NTM: variants seen among roughly 807,000 people sequenced by gnomAD.
NTM encodes the protein IgLON family member 2.
In NTM, 13 loss-of-function variants were observed where a neutral mutation model predicts 42.1. That is an observed-to-expected ratio of 0.31 (90% confidence interval 0.20 to 0.49). NTM has a LOEUF of 0.49. Ranked by LOEUF, NTM falls within the 20% of genes least tolerant of loss-of-function variation. The pLI, the probability that NTM is intolerant of heterozygous loss-of-function variation, is 0.99. For synonymous variants in NTM, 187 were observed against 179.2 expected (o/e 1.04, Z -0.35); for missense variants, 373 against 452.8 (o/e 0.82, Z 1.60).
At chr11:132,015,952 A>G (rs1351166532) in intron 2 of NTM, among the ~76,000 whole-genome samples, 3 of 151,916 alleles carry the variant, frequency 2.0e-5, no homozygotes, top group Non-Finnish European at 2.9e-5. Flanking sequence ...TTGCAGCACT[A>G]TGTTGAATAG....
intron 1 of NTM, among the ~76,000 whole-genome samples, chr11:131,849,847 G>A (rs1032097334): frequency 4.6e-5 from 7 of 150,960 alleles, no homozygotes; most frequent in African/African-American, 1.5e-4. Flanking sequence ...GGGAGGGATA[G>A]CATTAGGAGA....
At chr11:131,879,000 T>C (rs947894625) in intron 1 of NTM, among the ~76,000 whole-genome samples, 1 of 152,034 alleles carries the variant, frequency 6.6e-6, no homozygotes, top group East Asian at 1.9e-4. Flanking sequence ...CCACCTCCAA[T>C]CCACGGAACT....
At chr11:131,441,603 G>A (rs1949631262) in intron 1 of NTM, among the ~76,000 whole-genome samples, 1 of 152,166 alleles carries the variant, frequency 6.6e-6, no homozygotes, top group African/African-American at 2.4e-5. Flanking sequence ...TAGGATTGGA[G>A]CATGGCAGCT....
At chr11:131,843,717 C>G (rs1381485829) in intron 1 of NTM, among the ~76,000 whole-genome samples, 7 of 152,156 alleles carry the variant, frequency 4.6e-5, no homozygotes, top group Admixed American at 2.6e-4. Context: ...AGGCAATTTT[C>G]TGGGTATATA....
intron 1 of NTM, among the ~76,000 whole-genome samples, chr11:131,690,394 A>T (rs976162995): frequency 1.3e-5 from 2 of 152,192 alleles, no homozygotes; most frequent in Admixed American, 1.3e-4. Flanking sequence ...CCGAGATCAG[A>T]TGGCAGAAAC....
At chr11:131,493,033 C>T (rs1232885649) in intron 1 of NTM, among the ~76,000 whole-genome samples, 3 of 151,842 alleles carry the variant, frequency 2.0e-5, no homozygotes, top group African/African-American at 7.3e-5. Flanking sequence ...GCCTGGGCAA[C>T]ACGGTGAACC....
At chr11:132,194,123 A>G (rs2079772552) in intron 3 of NTM, among the ~76,000 whole-genome samples, 1 of 38,678 alleles carries the variant, frequency 2.6e-5, no homozygotes, top group South Asian at 7.0e-4. Flanking sequence ...TGAAGCCAGC[A>G]TTATAAAGAC....
intron 2 of NTM, among the ~76,000 whole-genome samples, chr11:132,065,610 A>G (rs2056355648): frequency 1.3e-5 from 2 of 152,202 alleles, no homozygotes; most frequent in South Asian, 4.1e-4. Flanking sequence ...GAAACCCTTG[A>G]CATGCCATTC....
intron 1 of NTM, among the ~76,000 whole-genome samples, chr11:131,673,344 A>G (rs893262855): frequency 1.3e-5 from 2 of 152,142 alleles, no homozygotes; most frequent in Admixed American, 6.5e-5. Context: ...CTTAGAGGAC[A>G]AAGGAGGCTG....
At chr11:131,888,043 G>C (rs1317898830) in intron 1 of NTM, among the ~76,000 whole-genome samples, 2 of 152,108 alleles carry the variant, frequency 1.3e-5, no homozygotes, top group Non-Finnish European at 2.9e-5. Context: ...TAAAATATTT[G>C]GTTAAAGAAT....
intron 4 of NTM, among the ~76,000 whole-genome samples, chr11:132,281,903 C>T (rs2093983973): frequency 2.0e-5 from 3 of 152,150 alleles, no homozygotes; most frequent in Admixed American, 1.3e-4. Context: ...ATATTAATAA[C>T]ATAGATAAAA....
chr11:132,068,797 G>A (rs1275314627), intron 2 of NTM, among the ~76,000 whole-genome samples: 3 of 152,220 alleles, frequency 2.0e-5, no homozygotes, highest in African/African-American at 7.2e-5. Flanking sequence ...ATGGCAGCTG[G>A]AGCTTTCTGG....
At chr11:131,451,726 A>G (rs1160109094) in intron 1 of NTM, among the ~76,000 whole-genome samples, 3 of 152,112 alleles carry the variant, frequency 2.0e-5, no homozygotes, top group Non-Finnish European at 4.4e-5. Context: ...TCTTTGCTGG[A>G]GCCACGAGAA....
At chr11:131,999,544 T>C (rs1470399880) in intron 2 of NTM, among the ~76,000 whole-genome samples, 1 of 152,226 alleles carries the variant, frequency 6.6e-6, no homozygotes, top group Non-Finnish European at 1.5e-5. Flanking sequence ...ATTAGTTCAC[T>C]TTCAGAGTCA....
intron 1 of NTM, among the ~76,000 whole-genome samples, chr11:131,711,151 G>A (rs563842727): frequency 1.2e-4 from 19 of 152,226 alleles, no homozygotes; most frequent in East Asian, 5.8e-4. Context: ...AAACTAAAGC[G>A]CTTCTGCACC....
chr11:131,468,547 G>GT lies in NTM; in HGVS notation c.82+97667dup, dbSNP rs201610547. ...AGTAATTGCTTTGGTTTTTTTGTGA[G>GT]TTTTTTTTCTATAGATTTTATTTTT... On this transcript the variant is annotated intron_variant, in intron 1 of 8. Transcript: ENST00000683400. 6.3e-4 allele frequency among the ~76,000 whole-genome samples: 95 copies of GT among 151,948 alleles called. No homozygotes were observed. The East Asian group carries it at 6.6e-3, about 11-fold the overall frequency.
chr11:131,654,483 T>G (rs189970336), intron 1 of NTM, among the ~76,000 whole-genome samples: 2 of 152,248 alleles, frequency 1.3e-5, no homozygotes, highest in South Asian at 2.1e-4. Context: ...ATGCAGAGCT[T>G]CTCAGAGTCC....
intron 1 of NTM, among the ~76,000 whole-genome samples, chr11:131,447,860 G>A (rs999881463): frequency 4.6e-5 from 7 of 152,200 alleles, no homozygotes; most frequent in African/African-American, 1.2e-4. Flanking sequence ...ATCATGCACC[G>A]CAGATGAGGG....
chr11:131,621,618 A>G, intron 1 of NTM, among the ~76,000 whole-genome samples: 1 of 132,312 alleles, frequency 7.6e-6, no homozygotes, highest in East Asian at 2.3e-4. Flanking sequence ...TGGGCAACAT[A>G]GTAACACCCT....
Sources: allele counts gnomAD v4.1 joint callset (sites outside exome capture counted in the v4.1 genomes callset), GRCh38; gene constraint gnomAD v4.1.1; transcripts MANE v1.5; gene names NCBI Gene and HGNC (gene_info 2026-07-23, HGNC 2026-07-21).